The following ABCA12 variants were observed in gnomAD, a reference collection of about 807,000 sequenced individuals.
ABCA12 encodes glucosylceramide transporter ABCA12.
ABCA12 carries 156 observed loss-of-function variants against 293.5 expected under a neutral mutation model. That is an observed-to-expected ratio of 0.53 (90% CI 0.47 to 0.61). ABCA12 has a LOEUF of 0.61. Among genes scored for constraint, ABCA12 ranks in the 20% least tolerant of loss-of-function variants. ABCA12 has a pLI of 0.00. For missense variants in ABCA12, 2,797 were observed against 3,090.2 expected, an observed-to-expected ratio of 0.91 and a Z score of 2.25; for synonymous variants, 1,063 against 1,108.0, an observed-to-expected ratio of 0.96 and a Z score of 0.81.
chr2:214,945,217 G>A, intron 48 of ABCA12, 113 bp from the exon 49 acceptor site: 1 of 849,972 alleles, frequency 1.2e-6, no homozygotes, highest in Non-Finnish European at 1.9e-6. Context: ...TCGAGGTCCT[G>A]TGACTAACTT....
intron 11 of ABCA12, among the ~76,000 whole-genome samples, chr2:215,021,365 GGGGTTTAAAAATCCCACACCCGGA>G (rs1455401472): frequency 6.6e-6 from 1 of 152,130 alleles, no homozygotes; most frequent in Non-Finnish European, 1.5e-5. Flanking sequence ...AGTGCTTAAA[GGGGTTTAAAAATCCCACACCCGGA>G]GGAAAAAGAG....
At chr2:214,984,104 T>TTTTG (rs1699732753) in intron 28 of ABCA12, among the ~76,000 whole-genome samples, 1 of 136,392 alleles carries the variant, frequency 7.3e-6, no homozygotes. Flanking sequence ...CTTTTTTTTT[T>TTTTG]TTTTTTTTTT....
intron 14 of ABCA12, among the ~76,000 whole-genome samples, chr2:215,016,375 A>G (rs1276383643): frequency 3.3e-5 from 5 of 151,076 alleles, no homozygotes; most frequent in Admixed American, 6.6e-5. Context: ...CGAGGTCAGG[A>G]AATCAAGACC....
intron 19 of ABCA12, 31 bp downstream of exon 19, chr2:215,007,696 T>C: frequency 6.2e-7 from 1 of 1,613,546 alleles, no homozygotes; most frequent in Non-Finnish European, 8.5e-7. Context: ...TTCAAATTCC[T>C]ACTAAGTTGA....
chr2:214,933,667 A>G (rs574252274), intron 52 of ABCA12, among the ~76,000 whole-genome samples: 5 of 152,298 alleles, frequency 3.3e-5, no homozygotes, highest in Admixed American at 6.5e-5. Flanking sequence ...CCTGAATTTA[A>G]CAGATCTAAA....
At chr2:215,054,283 G>T (rs778000191) in intron 4 of ABCA12, among the ~76,000 whole-genome samples, 1 of 151,950 alleles carries the variant, frequency 6.6e-6, no homozygotes, top group African/African-American at 2.4e-5. Flanking sequence ...TCATCTAATT[G>T]CAGACAACTA....
Position 214,958,303 on chromosome 2 carries a change from A to G in ABCA12, c.6091T>C (p.Trp2031Arg). Residue 2031 changes from tryptophan (W) to arginine (R), a missense_variant, in exon 41 of 53, where the codon TGG becomes CGG. Coordinates refer to ENST00000272895, the MANE Select transcript of ABCA12 (RefSeq NM_173076.3). ...ATGTCATAAATGAAGTTTGTTACCC[A>G]GTAGCATGTCACGCCAATGCCTGAA... ...HISGIGVTCY[W>R]VTNFIYDMVF... The G allele has an allele frequency of 1.2e-6, 2 of 1,614,046 alleles. No homozygotes were observed. The highest frequency in any genetic ancestry group is 1.7e-6 in the Non-Finnish European group (2 of 1,179,878).
At chr2:215,134,413 T>A (rs1395299162) in intron 1 of ABCA12, among the ~76,000 whole-genome samples, 1 of 145,878 alleles carries the variant, frequency 6.9e-6, no homozygotes, top group Admixed American at 6.9e-5. Context: ...TATATGTATA[T>A]ATGTACATAT....
At chr2:215,074,816 C>T (rs1701803610) in intron 2 of ABCA12, among the ~76,000 whole-genome samples, 1 of 151,944 alleles carries the variant, frequency 6.6e-6, no homozygotes. Context: ...GTGGTGCGTG[C>T]CTGTAGTCCC....
At chr2:215,003,671 AT>A (rs11347715) in intron 20 of ABCA12, among the ~76,000 whole-genome samples, 142,775 of 143,872 alleles carry the variant, frequency 0.99, 70,844 homozygotes, top group South Asian at 1. Flanking sequence ...AATAATAATA[AT>A]TTTTTTTTTT....
intron 45 of ABCA12, among the ~76,000 whole-genome samples, chr2:214,950,120 T>A (rs927234832): frequency 6.6e-6 from 1 of 152,164 alleles, no homozygotes; most frequent in Non-Finnish European, 1.5e-5. Flanking sequence ...ACTATTTACA[T>A]AGCATTTACA....
chr2:214,937,165 A>C (rs1698245167), intron 51 of ABCA12, among the ~76,000 whole-genome samples: 1 of 152,028 alleles, frequency 6.6e-6, no homozygotes, highest in Admixed American at 6.6e-5. Context: ...AAGGCAAGAT[A>C]ATCACTTACA....
Position 215,021,255 on chromosome 2 carries a change from C to T in ABCA12, c.1288-1459G>A, listed in dbSNP as rs201531678. 1.2e-4 allele frequency among the ~76,000 whole-genome samples: 18 copies of T among 152,234 alleles called. 1 individual carries two copies. The East Asian group carries it at 2.7e-3, about 23-fold the overall frequency. ...TGTATTTAAACTATGGACGAGAAGA[C>T]GCCTGATTTTTTGGAAGTGTCTGCA... On this transcript the variant is annotated intron_variant, in intron 11 of 52. Transcript: ENST00000272895.
intron 15 of ABCA12, among the ~76,000 whole-genome samples, chr2:215,015,139 C>G (rs1700463239): frequency 7.0e-6 from 1 of 142,920 alleles, no homozygotes; most frequent in Non-Finnish European, 1.5e-5. Flanking sequence ...TTAACCCTAC[C>G]AACTTCATGT....
At chr2:215,010,304 AT>A (rs1700343514) in intron 18 of ABCA12, 26 bp downstream of exon 18, 1 of 1,613,032 alleles carries the variant, frequency 6.2e-7, no homozygotes, top group African/African-American at 1.3e-5. Flanking sequence ...AATAGTCAAA[AT>A]AGAAACTGAG....
intron 44 of ABCA12, among the ~76,000 whole-genome samples, chr2:214,953,356 C>T (rs552342384): frequency 6.6e-6 from 1 of 152,260 alleles, no homozygotes; most frequent in African/African-American, 2.4e-5. Flanking sequence ...GTATCTGTGA[C>T]CATATATGCA....
At chr2:215,033,543 G>A (rs2091094) in intron 8 of ABCA12, among the ~76,000 whole-genome samples, 152,138 of 152,328 alleles carry the variant, frequency 1, 75,974 homozygotes, top group East Asian at 1. Context: ...AGTATATTGA[G>A]AGAAATACTA....
Position 214,937,587 on chromosome 2 carries a change from G to T in ABCA12, c.7465C>A (p.His2489Asn). ...RFGRGFTVKVHLKNNKVTMET... is the reference protein window; with the variant it reads ...RFGRGFTVKVNLKNNKVTMET... ...ATGGTCACTTTGTTATTCTTCAAGT[G>T]AACTTTGACAGTAAATCCTCGTCCA... The change falls in exon 51 of 53, where the codon CAC becomes AAC. Residue 2489 changes from histidine to asparagine, a missense_variant. Around this residue, in one of 3 missense-constraint regions of ABCA12, gnomAD observed 2,130 missense variants for 2,427.0 expected, o/e 0.88. Coordinates refer to ENST00000272895, the MANE Select transcript of ABCA12 (RefSeq NM_173076.3). 3.1e-6 allele frequency: 5 copies of T among 1,613,824 alleles called. No homozygotes were observed. Among genetic ancestry groups the T allele is most frequent in the Non-Finnish European group, 4.2e-6 (5 of 1,179,822 alleles).
In ABCA12 at chr2:215,017,807, A is replaced by T. The variant is rs918116274; in HGVS notation, c.1782+201T>A. Reference sequence around the variant, plus strand: ...GAAAGGACAAGGAAAAATAAAGAGAAAAGGGACACATAGTGATAAAATTCT... The same window carrying T: ...GAAAGGACAAGGAAAAATAAAGAGATAAGGGACACATAGTGATAAAATTCT... On this transcript the variant is annotated intron_variant, in intron 14 of 52. Coordinates refer to ENST00000272895, the MANE Select transcript of ABCA12 (RefSeq NM_173076.3). The T allele has an allele frequency of 4.7e-6, 3 of 641,452 alleles. No homozygotes were observed. In the African/African-American group the frequency reaches 5.5e-5, roughly 12 times the overall value. 39.7% of individuals were successfully genotyped at this position (641,452 alleles called of 1,614,324 possible).
Sources: gnomAD v4.1 joint callset for allele counts (sites outside exome capture counted in the v4.1 genomes callset) on GRCh38, gnomAD v4.1.1 for gene constraint, gnomAD v4.1.1 regional missense constraint, MANE v1.5 for transcripts, NCBI Gene and HGNC (gene_info 2026-07-23, HGNC 2026-07-21) for gene names.